Variants in DLG2 observed in about 807,000 individuals in gnomAD.
The protein encoded by DLG2 is disks large homolog 2.
A neutral mutation model predicts 132.5 loss-of-function variants in DLG2; 45 were observed. That is an observed-to-expected ratio of 0.34 (90% CI 0.27 to 0.44). DLG2 has a LOEUF of 0.44. Ranked by LOEUF, DLG2 falls within the 20% of genes least tolerant of loss-of-function variation. The pLI is 1.00. For synonymous variants in DLG2, 424 were observed against 419.6 expected, an observed-to-expected ratio of 1.01 and a Z score of -0.13; for missense variants, 1,045 against 1,196.9, an observed-to-expected ratio of 0.87 and a Z score of 1.87.
intron 11 of DLG2, among the ~76,000 whole-genome samples, chr11:84,048,805 T>C (rs2096291624): frequency 6.6e-6 from 1 of 151,456 alleles, no homozygotes; most frequent in Non-Finnish European, 1.5e-5. Flanking sequence ...CAAGTTATTA[T>C]GGTTACAAGA....
chr11:84,963,645 A>G (rs1383547230), intron 6 of DLG2, among the ~76,000 whole-genome samples: 1 of 152,200 alleles, frequency 6.6e-6, no homozygotes, highest in Non-Finnish European at 1.5e-5. Context: ...CCTTGGAGAT[A>G]TATATTCAGA....
At chr11:84,500,931 C>G (rs187412350) in intron 7 of DLG2, among the ~76,000 whole-genome samples, 23 of 152,216 alleles carry the variant, frequency 1.5e-4, no homozygotes, top group Admixed American at 6.5e-4. Context: ...AATATATTGT[C>G]AAGGACCCTA....
At chr11:85,608,297 T>TG (rs1315913941) in intron 2 of DLG2, among the ~76,000 whole-genome samples, 1 of 152,092 alleles carries the variant, frequency 6.6e-6, no homozygotes, top group Admixed American at 6.5e-5. Flanking sequence ...CCAAAAACCC[T>TG]GAAAAAGAGG....
intron 3 of DLG2, among the ~76,000 whole-genome samples, chr11:85,523,593 G>A (rs1024048967): frequency 3.9e-5 from 6 of 152,138 alleles, no homozygotes; most frequent in African/African-American, 1.4e-4. Context: ...ATGCTGATGA[G>A]GATGTAGAGA....
chr11:84,693,931 G>A (rs2058333525), intron 6 of DLG2, among the ~76,000 whole-genome samples: 1 of 151,520 alleles, frequency 6.6e-6, no homozygotes, highest in South Asian at 2.1e-4. Context: ...AAATTCAGAT[G>A]AACTCCTCTC....
intron 6 of DLG2, among the ~76,000 whole-genome samples, chr11:84,610,918 A>G (rs775885014): frequency 6.6e-6 from 1 of 151,688 alleles, no homozygotes; most frequent in Non-Finnish European, 1.5e-5. Flanking sequence ...AAGTTTCTTC[A>G]CCTGGATCTT....
chr11:85,605,707 G>A (rs529155353), intron 2 of DLG2, among the ~76,000 whole-genome samples: 18 of 152,162 alleles, frequency 1.2e-4, no homozygotes, highest in South Asian at 2.1e-4. Context: ...GGCTGGGAGC[G>A]GTGGCTCACG....
At chr11:83,734,207 A>G (rs2091503209) in intron 18 of DLG2, among the ~76,000 whole-genome samples, 1 of 152,060 alleles carries the variant, frequency 6.6e-6, no homozygotes, top group Non-Finnish European at 1.5e-5. Flanking sequence ...TGCCCACACT[A>G]TTCATAGAGG....
At position 84,959,372 on chromosome 11, in the gene DLG2, G is replaced by A. The variant is rs978524884; in HGVS notation, c.357+152289C>T. On this transcript the variant is annotated intron_variant, in intron 6 of 27. Transcript: ENST00000376104. ...TGATGAATGTTCTAGGGGCTCAGGA[G>A]GTTTACAGCAGGAAAATATAAAACA... 3.9e-5 allele frequency among the ~76,000 whole-genome samples: 6 copies of A among 152,198 alleles called. 1 individual carries two copies. The highest frequency in any genetic ancestry group is 8.8e-5 in the Non-Finnish European group (6 of 68,032).
chr11:85,134,255 CT>C (rs575257650), intron 5 of DLG2, among the ~76,000 whole-genome samples: 69 of 145,444 alleles, frequency 4.7e-4, no homozygotes, highest in Middle Eastern at 3.6e-3. Flanking sequence ...CCACCACCCT[CT>C]TTTTTTTTTT....
intron 14 of DLG2, among the ~76,000 whole-genome samples, chr11:83,941,658 T>C (rs1440564659): frequency 6.6e-6 from 1 of 152,130 alleles, no homozygotes; most frequent in Non-Finnish European, 1.5e-5. Flanking sequence ...CCTCCCCAAG[T>C]GATGGGATGA....
At chr11:84,509,264 G>C (rs1046261955) in intron 7 of DLG2, among the ~76,000 whole-genome samples, 1 of 152,138 alleles carries the variant, frequency 6.6e-6, no homozygotes, top group East Asian at 1.9e-4. Flanking sequence ...CTGTGACCTT[G>C]TCCTAAGAAG....
chr11:85,305,771 C>T (rs1360494546), intron 3 of DLG2, among the ~76,000 whole-genome samples: 2 of 152,150 alleles, frequency 1.3e-5, no homozygotes, highest in African/African-American at 4.8e-5. Flanking sequence ...CCTCGGCTTC[C>T]CAAAGTGCTG....
rs1442524834 is a variant in DLG2 at position 83,575,390 on chromosome 11, C to T, written c.1941-33532G>A. Among the ~76,000 whole-genome samples the T allele has an allele frequency of 2.0e-5, 3 of 152,220 alleles. No individual in the cohort carries two copies. The South Asian group carries it at 6.2e-4, about 32-fold the overall frequency. On this transcript the variant is annotated intron_variant, in intron 19 of 27. Coordinates refer to ENST00000376104, the MANE Select transcript of DLG2 (RefSeq NM_001142699.3). Reference sequence around the variant, plus strand: ...CCTGGCAGACTCTCTTAGTTGAAGACATGGAACTGAGAATCTGAAGAGATC... The same window carrying T: ...CCTGGCAGACTCTCTTAGTTGAAGATATGGAACTGAGAATCTGAAGAGATC...
intron 4 of DLG2, among the ~76,000 whole-genome samples, chr11:85,220,653 T>TATATATATAA (rs2074579528): frequency 2.7e-5 from 4 of 150,490 alleles, no homozygotes; most frequent in African/African-American, 9.7e-5. Flanking sequence ...TATATATATA[T>TATATATATAA]AACTTTATTT....
chr11:83,925,974 G>C (rs914235184), intron 15 of DLG2, among the ~76,000 whole-genome samples: 18 of 151,966 alleles, frequency 1.2e-4, no homozygotes, highest in African/African-American at 4.1e-4. Flanking sequence ...TCAAATTTTA[G>C]TTTGATTTCA....
intron 3 of DLG2, among the ~76,000 whole-genome samples, chr11:85,367,780 T>C (rs1424035229): frequency 6.6e-6 from 1 of 152,190 alleles, no homozygotes; most frequent in African/African-American, 2.4e-5. Context: ...AAATGTGAGC[T>C]ATTACTATTA....
At chr11:85,117,022 T>G (rs1040027412) in intron 5 of DLG2, among the ~76,000 whole-genome samples, 3 of 152,004 alleles carry the variant, frequency 2.0e-5, no homozygotes, top group Non-Finnish European at 4.4e-5. Flanking sequence ...CCTAAGAAGC[T>G]TAACCAGTGA....
intron 3 of DLG2, among the ~76,000 whole-genome samples, chr11:85,481,978 C>T (rs2093305461): frequency 6.6e-6 from 1 of 152,126 alleles, no homozygotes; most frequent in African/African-American, 2.4e-5. Context: ...ATTTGAGCTC[C>T]AAGCCTGCCA....
Sources: allele counts gnomAD v4.1 joint callset (sites outside exome capture counted in the v4.1 genomes callset), GRCh38; gene constraint gnomAD v4.1.1; transcripts MANE v1.5; gene names NCBI Gene and HGNC (gene_info 2026-07-23, HGNC 2026-07-21).